Variants in TTC7A observed in about 807,000 individuals in gnomAD.
TTC7A encodes the protein tetratricopeptide repeat domain 7A, also known as tetratricopeptide repeat protein 7A.
TTC7A carries 110 observed loss-of-function variants against 103.7 expected under a neutral mutation model. The observed-to-expected ratio is 1.06, with a 90% CI of 0.91 to 1.24. TTC7A has a LOEUF of 1.24. Ranked by LOEUF, TTC7A falls within the 50% of genes most tolerant of loss-of-function variation. The probability of loss-of-function intolerance (pLI) is 0.00; values close to 1 mark genes in which losing one functional copy is unlikely to be tolerated. For missense variants in TTC7A, 1,340 were observed against 1,116.3 expected (o/e 1.20, Z -2.86); for synonymous variants, 521 against 467.9 (o/e 1.11, Z -1.47).
intron 3 of TTC7A, among the ~76,000 whole-genome samples, chr2:46,964,999 G>T (rs1672715291): frequency 6.6e-6 from 1 of 152,216 alleles, no homozygotes; most frequent in African/African-American, 2.4e-5. Flanking sequence ...GCGCCAGGGA[G>T]GTCCTGATGC....
intron 5 of TTC7A, among the ~76,000 whole-genome samples, chr2:46,988,918 G>A (rs1434127086): frequency 2.6e-5 from 4 of 152,184 alleles, no homozygotes; most frequent in Non-Finnish European, 4.4e-5. Flanking sequence ...TCTTTTTCCT[G>A]TTGGAACATA....
At chr2:46,975,793 G>C (rs1446892071) in intron 4 of TTC7A, among the ~76,000 whole-genome samples, 1 of 151,960 alleles carries the variant, frequency 6.6e-6, no homozygotes, top group Non-Finnish European at 1.5e-5. Flanking sequence ...CTGGAGTTCA[G>C]TGGCACGATC....
chr2:47,054,768 G>A (rs754644239), intron 18 of TTC7A, among the ~76,000 whole-genome samples: 15 of 151,596 alleles, frequency 9.9e-5, no homozygotes, highest in East Asian at 3.9e-4. Context: ...CTAGGAAGTC[G>A]AGGCTGCAGT....
chr2:47,037,488 C>A (rs186993221), intron 15 of TTC7A, among the ~76,000 whole-genome samples: 1 of 152,198 alleles, frequency 6.6e-6, no homozygotes, highest in Non-Finnish European at 1.5e-5. Context: ...TTACAGCACC[C>A]CTGTTTTGAA....
intron 3 of TTC7A, among the ~76,000 whole-genome samples, chr2:46,970,805 T>C (rs1013154298): frequency 3.3e-5 from 5 of 152,222 alleles, no homozygotes; most frequent in African/African-American, 9.6e-5. Flanking sequence ...GGAATAAGGA[T>C]CCTCCCCCTC....
At chr2:47,019,855 T>A (rs1338508388) in intron 11 of TTC7A, among the ~76,000 whole-genome samples, 5 of 152,214 alleles carry the variant, frequency 3.3e-5, no homozygotes, top group Non-Finnish European at 5.9e-5. Context: ...AGCCTCATAA[T>A]GCCTGAGATA....
At chr2:47,072,586 C>T (rs924770518) in intron 19 of TTC7A, among the ~76,000 whole-genome samples, 2 of 152,182 alleles carry the variant, frequency 1.3e-5, no homozygotes, top group Admixed American at 6.5e-5. Context: ...TGTACATGGC[C>T]GTCAGTGGGC....
intron 11 of TTC7A, among the ~76,000 whole-genome samples, chr2:47,021,280 G>A (rs1221395022): frequency 2.0e-5 from 3 of 152,170 alleles, no homozygotes; most frequent in Non-Finnish European, 4.4e-5. Context: ...GGCCCAGAGT[G>A]TCCCCAGGCC....
chr2:46,957,008 G>A lies in TTC7A; in HGVS notation c.517+1G>A. On this transcript the variant is annotated splice_donor_variant, in intron 3 of 19. Transcript: ENST00000319190. LOFTEE classifies it high-confidence loss of function. The stretch of plus-strand genomic sequence containing the variant: ...CTGTCGGAGGCTTTTGTCATCAAAG[G>A]TAGCTGTGGGCACCAGCCTGGGCTC... 1.2e-6 allele frequency: 2 copies of A among 1,614,108 alleles called. No homozygotes were observed. The highest frequency in any genetic ancestry group is 1.7e-6 in the Non-Finnish European group (2 of 1,179,986).
At chr2:46,933,813 G>A (rs908874757) in intron 2 of TTC7A, among the ~76,000 whole-genome samples, 26 of 152,200 alleles carry the variant, frequency 1.7e-4, no homozygotes, top group South Asian at 4.1e-4. Flanking sequence ...AGGATTTCTA[G>A]GGTGACAGCA....
chr2:46,994,238 C>T lies in TTC7A; in HGVS notation c.844-119C>T, dbSNP rs72888559. ...TGGGAGTGGGGTTGGGGAGTTTACCCAAAGGGCCGCACATTGCAAGCGGGG... is the reference window on the plus strand; with the variant it reads ...TGGGAGTGGGGTTGGGGAGTTTACCTAAAGGGCCGCACATTGCAAGCGGGG... On this transcript the variant is annotated intron_variant, in intron 6 of 19. Coordinates refer to ENST00000319190, the MANE Select transcript of TTC7A (RefSeq NM_020458.4). 3.2e-3 allele frequency: 4,127 copies of T among 1,274,562 alleles called. 98 individuals carry two copies. The African/African-American group carries it at 0.053, about 16-fold the overall frequency. The allele number at this position is 1,274,562 out of a possible 1,614,324, so 79.0% of individuals were successfully genotyped here. A position where few individuals can be genotyped will look rare whatever the true frequency, so the allele number is the denominator to read the frequency against.
chr2:46,968,102 G>T (rs1313911662), intron 3 of TTC7A, among the ~76,000 whole-genome samples: 1 of 152,226 alleles, frequency 6.6e-6, no homozygotes, highest in Non-Finnish European at 1.5e-5. Flanking sequence ...TTCTTGGAAG[G>T]GCGGCTGCCT....
At position 46,947,003 on chromosome 2, in the gene TTC7A, G is replaced by A. The variant is rs141756190; in HGVS notation, c.185-3360G>A. 2.6e-5 allele frequency among the ~76,000 whole-genome samples: 4 copies of A among 152,292 alleles called. No homozygotes were observed. The East Asian group carries it at 7.7e-4, about 29-fold the overall frequency. ...GAAAGCCTTCTGTGAAGGACCTGAA[G>A]TGTCAATCAACAAAGTAGTCTGAAA... On this transcript the variant is annotated intron_variant, in intron 1 of 19. Transcript: ENST00000319190.
chr2:46,940,502 TG>T (rs1670237177), upstream of TTC7A, among the ~76,000 whole-genome samples: 1 of 152,200 alleles, frequency 6.6e-6, no homozygotes, highest in Non-Finnish European at 1.5e-5. The surrounding 1 kb of genome is among the most constrained non-coding windows in gnomAD (Gnocchi z 4.7). Flanking sequence ...CCCACAGCCC[TG>T]GGCTAAACCC....
chr2:46,946,759 A>G (rs957281623), intron 1 of TTC7A, among the ~76,000 whole-genome samples: 1 of 152,054 alleles, frequency 6.6e-6, no homozygotes, highest in South Asian at 2.1e-4. Flanking sequence ...TAGAACTTCT[A>G]ATTCCGAAAC....
In TTC7A at chr2:46,994,398, G is replaced by C. The variant is rs1177758077; in HGVS notation, c.885G>C (p.Leu295=). ...KHLAGVLLHS[L]SEECYWSPLS... ...TGGCGGGGGTCCTGCTGCACTCCCT[G>C]AGTGAGGAGTGCTACTGGAGCCCCC... The change falls in exon 7 of 20, where the codon CTG becomes CTC. Residue 295 remains leucine, a synonymous_variant. Coordinates refer to ENST00000319190, the MANE Select transcript of TTC7A (RefSeq NM_020458.4). 2.5e-6 allele frequency: 4 copies of C among 1,613,902 alleles called. No homozygotes were observed. Among genetic ancestry groups the C allele is most frequent in the Non-Finnish European group, 3.4e-6 (4 of 1,179,962 alleles).
chr2:47,017,887 T>C (rs1678843751), intron 11 of TTC7A, among the ~76,000 whole-genome samples: 1 of 152,130 alleles, frequency 6.6e-6, no homozygotes, highest in Admixed American at 6.5e-5. Flanking sequence ...GGCTGAGATA[T>C]TTTTAAAACC....
chr2:46,956,293 C>T (rs948893803), intron 2 of TTC7A, among the ~76,000 whole-genome samples: 1 of 151,654 alleles, frequency 6.6e-6, no homozygotes, highest in South Asian at 2.1e-4. Context: ...GCAGCAGGCC[C>T]TCTCCTCCTC....
intron 19 of TTC7A, among the ~76,000 whole-genome samples, chr2:47,072,529 C>CCTAA (rs1392765720): frequency 6.6e-6 from 1 of 152,244 alleles, no homozygotes; most frequent in African/African-American, 2.4e-5. Flanking sequence ...CAACAGAGGG[C>CCTAA]CTAACTCTGG....
Sources: allele counts gnomAD v4.1 joint callset (sites outside exome capture counted in the v4.1 genomes callset), GRCh38; gene constraint gnomAD v4.1.1; non-coding constraint Gnocchi (gnomAD v3.1); transcripts MANE v1.5; gene names NCBI Gene and HGNC (gene_info 2026-07-23, HGNC 2026-07-21).